The following SLC39A14 variants were observed in gnomAD, a reference collection of about 807,000 sequenced individuals.
SLC39A14 encodes the protein metal cation symporter ZIP14.
A neutral mutation model predicts 45.5 loss-of-function variants in SLC39A14; 19 were observed. The observed-to-expected ratio is 0.42, with a 90% CI of 0.29 to 0.61. The LOEUF is 0.61. Among genes scored for constraint, SLC39A14 ranks in the 20% least tolerant of loss-of-function variants. SLC39A14 has a pLI of 0.22. For synonymous variants in SLC39A14, 264 were observed against 251.3 expected (o/e 1.05, Z -0.48); for missense variants, 447 against 616.5 (o/e 0.73, Z 2.91).
intron 1 of SLC39A14, among the ~76,000 whole-genome samples, chr8:22,389,198 G>A: frequency 6.6e-6 from 1 of 152,194 alleles, no homozygotes; most frequent in East Asian, 1.9e-4. Flanking sequence ...CCAAGTTGCT[G>A]GTCCAACCCC....
intron 1 of SLC39A14, chr8:22,398,739 T>C: frequency 1.7e-5 from 17 of 985,436 alleles, no homozygotes; most frequent in Non-Finnish European, 2.0e-5. Context: ...GAAGCGTCTG[T>C]GCAGGACAGA....
chr8:22,386,340 C>A (rs927354598), intron 1 of SLC39A14, among the ~76,000 whole-genome samples: 8 of 150,236 alleles, frequency 5.3e-5, no homozygotes, highest in African/African-American at 1.5e-4. Context: ...GATCTCGGCT[C>A]ACTGCAACCT....
In SLC39A14 at chr8:22,420,066, A is replaced by G; in HGVS notation, c.*368A>G. On this transcript the variant is annotated 3_prime_UTR_variant, in exon 9 of 9. Transcript: ENST00000381237. Reference sequence around the variant, plus strand: ...ACCCAACAATGCAAAAATAGAGCCAATGGTTATAACTTGGCTAGAAATATC... The same window carrying G: ...ACCCAACAATGCAAAAATAGAGCCAGTGGTTATAACTTGGCTAGAAATATC... 1.0e-6 allele frequency: 1 copy of G among 1,003,906 alleles called. No individual in the cohort carries two copies. The highest frequency in any genetic ancestry group is 1.2e-6 in the Non-Finnish European group (1 of 841,774). 62.2% of individuals were successfully genotyped at this position (1,003,906 alleles called of 1,614,324 possible). A position where few individuals can be genotyped will look rare whatever the true frequency, so the allele number is the denominator to read the frequency against.
intron 8 of SLC39A14, among the ~76,000 whole-genome samples, chr8:22,418,587 C>T (rs1836030646): frequency 6.6e-6 from 1 of 151,578 alleles, no homozygotes; most frequent in Admixed American, 6.6e-5. Flanking sequence ...GCCTGGAGTG[C>T]AGTGTGTGAT....
downstream of SLC39A14, among the ~76,000 whole-genome samples, chr8:22,425,048 A>AAAAT (rs2132396985): frequency 6.6e-6 from 1 of 151,930 alleles, no homozygotes; most frequent in African/African-American, 2.4e-5. Flanking sequence ...AAAAAAAAAA[A>AAAAT]AAGACTAAAT....
intron 8 of SLC39A14, among the ~76,000 whole-genome samples, chr8:22,433,461 A>AC (rs1836497743): frequency 6.6e-6 from 1 of 151,642 alleles, no homozygotes; most frequent in African/African-American, 2.4e-5. Context: ...GGCTCAATAG[A>AC]TCCTCCTGCC....
intron 4 of SLC39A14, among the ~76,000 whole-genome samples, 193 bp downstream of exon 4, chr8:22,412,399 A>G (rs539240822): frequency 6.6e-5 from 10 of 152,376 alleles, no homozygotes; most frequent in African/African-American, 1.7e-4. Flanking sequence ...CAGCTCTGCT[A>G]TCAGTAGGTT....
At chr8:22,381,617 T>A (rs1833520817) in intron 1 of SLC39A14, among the ~76,000 whole-genome samples, 1 of 152,216 alleles carries the variant, frequency 6.6e-6, no homozygotes, top group African/African-American at 2.4e-5. Flanking sequence ...ATGCCTATAC[T>A]TTCAGGGCAG....
intron 1 of SLC39A14, among the ~76,000 whole-genome samples, chr8:22,389,428 G>C (rs1039424268): frequency 1.7e-4 from 26 of 151,780 alleles, no homozygotes; most frequent in Admixed American, 1.6e-3. Context: ...AGGAGATCGC[G>C]CAGGGGGAGG....
intron 1 of SLC39A14, among the ~76,000 whole-genome samples, chr8:22,378,464 C>A (rs574624080): frequency 6.6e-6 from 1 of 152,236 alleles, no homozygotes; most frequent in Non-Finnish European, 1.5e-5. Flanking sequence ...GACTGAGGTC[C>A]CCTGCCCCCT....
intron 2 of SLC39A14, among the ~76,000 whole-genome samples, chr8:22,405,533 G>A (rs1188235427): frequency 6.6e-6 from 1 of 152,106 alleles, no homozygotes; most frequent in Non-Finnish European, 1.5e-5. Flanking sequence ...AAAATAAAAG[G>A]CAGCCTGGAA....
chr8:22,389,290 G>A (rs1011917966), intron 1 of SLC39A14, among the ~76,000 whole-genome samples: 6 of 152,226 alleles, frequency 3.9e-5, no homozygotes, highest in African/African-American at 1.4e-4. Flanking sequence ...TGATGCTGCT[G>A]TTCCAGCAAC....
intron 1 of SLC39A14, among the ~76,000 whole-genome samples, chr8:22,391,742 G>T (rs553528644): frequency 1.3e-5 from 2 of 152,244 alleles, no homozygotes; most frequent in East Asian, 3.9e-4. Context: ...GCTAATTTTT[G>T]TATTTTTAGT....
intron 1 of SLC39A14, among the ~76,000 whole-genome samples, chr8:22,389,022 C>T (rs1403479244): frequency 2.0e-5 from 3 of 151,994 alleles, no homozygotes; most frequent in Admixed American, 6.5e-5. Context: ...TGAGCAGGGA[C>T]GACGCAGGGG....
chr8:22,372,647 C>T (rs1385318636), intron 1 of SLC39A14, among the ~76,000 whole-genome samples: 2 of 152,184 alleles, frequency 1.3e-5, no homozygotes, highest in African/African-American at 2.4e-5. Context: ...CTTTTATGTA[C>T]ATACCTAGTT....
chr8:22,385,783 G>A (rs1250391490), intron 1 of SLC39A14, among the ~76,000 whole-genome samples: 1 of 152,102 alleles, frequency 6.6e-6, no homozygotes, highest in Non-Finnish European at 1.5e-5. Context: ...GATTGTTTGA[G>A]GCCAGGAGTT....
Position 22,412,183 on chromosome 8 carries a change from G to T in SLC39A14, c.604G>T (p.Ala202Ser), listed in dbSNP as rs1563589371. The change falls in exon 4 of 9, where the codon GCC becomes TCC. Residue 202 changes from alanine to serine, a missense_variant. Around this residue, in one of 2 missense-constraint regions of SLC39A14, gnomAD observed 342 missense variants for 428.1 expected, o/e 0.80. Transcript: ENST00000381237. ...ALAIGTLYSNALFQLIPEAFG... is the reference protein window; with the variant it reads ...ALAIGTLYSNSLFQLIPEAFG... ...GGCGATTGGAACCCTCTACTCCAAC[G>T]CCCTCTTCCAGCTCATCCCGGAGGT... is the stretch of plus-strand genomic sequence containing the variant. The T allele has an allele frequency of 6.4e-7, 1 of 1,551,662 alleles. No homozygotes were observed. The highest frequency in any genetic ancestry group is 8.7e-7 in the Non-Finnish European group (1 of 1,146,994).
chr8:22,368,630 G>A (rs886833305), intron 1 of SLC39A14, among the ~76,000 whole-genome samples: 2 of 152,002 alleles, frequency 1.3e-5, no homozygotes, highest in African/African-American at 2.4e-5. Context: ...TCCGCCTCCC[G>A]GGTTCAAGCG....
chr8:22,385,379 T>C (rs1267865962), intron 1 of SLC39A14, among the ~76,000 whole-genome samples: 1 of 152,126 alleles, frequency 6.6e-6, no homozygotes. Context: ...GCTGATAGTC[T>C]AGTTAGGAGG....
Sources: allele counts gnomAD v4.1 joint callset (sites outside exome capture counted in the v4.1 genomes callset), GRCh38; gene constraint gnomAD v4.1.1; regional missense constraint gnomAD v4.1.1; transcripts MANE v1.5; gene names NCBI Gene and HGNC (gene_info 2026-07-23, HGNC 2026-07-21).